The following TACR1 variants were observed in gnomAD, a reference collection of about 807,000 sequenced individuals.
TACR1 encodes the protein substance-P receptor.
Under a neutral mutation model 35.8 loss-of-function variants are expected in TACR1, and 25 were observed. The observed-to-expected ratio is 0.70, with a 90% CI of 0.51 to 0.98. The LOEUF (loss-of-function observed/expected upper bound fraction) is 0.98, where lower values mean the gene tolerates loss of function less well. Ranked by LOEUF, TACR1 falls within the 50% of genes least tolerant of loss-of-function variation. TACR1 has a pLI of 0.00. For missense variants in TACR1, 478 were observed against 522.9 expected (o/e 0.91, Z 0.84); for synonymous variants, 195 against 206.7 (o/e 0.94, Z 0.48).
intron 1 of TACR1, among the ~76,000 whole-genome samples, chr2:75,183,552 T>A (rs769833627): frequency 2.0e-5 from 3 of 152,160 alleles, no homozygotes; most frequent in Non-Finnish European, 4.4e-5. Flanking sequence ...TCTGTGCCCA[T>A]GAGGATGTGT....
At chr2:75,064,794 T>A (rs966839397) in intron 2 of TACR1, among the ~76,000 whole-genome samples, 1 of 152,226 alleles carries the variant, frequency 6.6e-6, no homozygotes, top group African/African-American at 2.4e-5. Context: ...AAAAATTCCA[T>A]GGTAGTGGGG....
At chr2:75,085,443 C>T (rs920488662) in intron 2 of TACR1, among the ~76,000 whole-genome samples, 16 of 152,196 alleles carry the variant, frequency 1.1e-4, no homozygotes, top group Non-Finnish European at 2.1e-4. Context: ...GGCATATAAA[C>T]CCATTGGTCC....
chr2:75,066,986 A>AG (rs1672776066), intron 2 of TACR1, among the ~76,000 whole-genome samples: 1 of 152,238 alleles, frequency 6.6e-6, no homozygotes, highest in Non-Finnish European at 1.5e-5. Flanking sequence ...TACAAAAAAA[A>AG]GGTCTTTATT....
chr2:75,192,960 A>G (rs1227765755), intron 1 of TACR1, among the ~76,000 whole-genome samples: 1 of 152,300 alleles, frequency 6.6e-6, no homozygotes, highest in East Asian at 1.9e-4. Context: ...ATTAAAACAC[A>G]AAACTCCACA....
intron 1 of TACR1, among the ~76,000 whole-genome samples, chr2:75,174,362 CTAAA>C (rs913668023): frequency 2.0e-5 from 3 of 152,062 alleles, no homozygotes; most frequent in African/African-American, 7.2e-5. Context: ...TATATATAGA[CTAAA>C]TTATGTTTTT....
At chr2:75,078,345 G>A (rs1459065861) in intron 2 of TACR1, among the ~76,000 whole-genome samples, 1 of 151,560 alleles carries the variant, frequency 6.6e-6, no homozygotes, top group African/African-American at 2.4e-5. Context: ...CTCAACTTAT[G>A]TATCTGTAGA....
At chr2:75,151,339 G>A (rs1469387613) in intron 1 of TACR1, among the ~76,000 whole-genome samples, 1 of 152,208 alleles carries the variant, frequency 6.6e-6, no homozygotes, top group Non-Finnish European at 1.5e-5. Context: ...TGTTTTTGTG[G>A]ATCTGGCCCA....
intron 1 of TACR1, among the ~76,000 whole-genome samples, chr2:75,170,373 G>A (rs1233196734): frequency 6.6e-6 from 1 of 152,188 alleles, no homozygotes; most frequent in Admixed American, 6.5e-5. Context: ...CTAGCCATGT[G>A]GAACTGTGAG....
At chr2:75,140,644 A>G (rs1226901095) in intron 1 of TACR1, among the ~76,000 whole-genome samples, 1 of 152,204 alleles carries the variant, frequency 6.6e-6, no homozygotes, top group Non-Finnish European at 1.5e-5. Context: ...CTTCTCCATC[A>G]TCATTATCTG....
chr2:75,085,943 C>T (rs1211657014), intron 2 of TACR1, among the ~76,000 whole-genome samples: 1 of 152,172 alleles, frequency 6.6e-6, no homozygotes, highest in Admixed American at 6.6e-5. Context: ...GTATGTGACA[C>T]CGTAGATTAG....
At chr2:75,196,034 A>G (rs970588243) in intron 1 of TACR1, among the ~76,000 whole-genome samples, 1 of 152,220 alleles carries the variant, frequency 6.6e-6, no homozygotes, top group Non-Finnish European at 1.5e-5. Flanking sequence ...TGTGCTCTTC[A>G]TATTTCCCAA....
At chr2:75,190,355 A>C (rs1371614913) in intron 1 of TACR1, among the ~76,000 whole-genome samples, 1 of 152,226 alleles carries the variant, frequency 6.6e-6, no homozygotes, top group African/African-American at 2.4e-5. Flanking sequence ...GACTACTGGT[A>C]GACTGTGTGT....
intron 1 of TACR1, among the ~76,000 whole-genome samples, chr2:75,161,378 A>G (rs186238423): frequency 5.9e-5 from 9 of 152,274 alleles, no homozygotes; most frequent in Admixed American, 1.3e-4. Context: ...AATATTTAAT[A>G]GTAAGAATAT....
chr2:75,154,223 A>G (rs1359605422), intron 1 of TACR1: 1 of 152,140 alleles, frequency 6.6e-6, no homozygotes, highest in Non-Finnish European at 1.5e-5. Flanking sequence ...TTGCTGCCCA[A>G]GCAGGAAAAT....
intron 3 of TACR1, among the ~76,000 whole-genome samples, chr2:75,053,283 A>G (rs1449996636): frequency 6.6e-6 from 1 of 152,054 alleles, no homozygotes. Context: ...AACCACGTGA[A>G]TGTATTATCT....
intron 1 of TACR1, among the ~76,000 whole-genome samples, chr2:75,185,323 G>T (rs1209766062): frequency 6.6e-6 from 1 of 151,840 alleles, no homozygotes; most frequent in African/African-American, 2.4e-5. Context: ...AGTTGAGGAA[G>T]GTCTTTTTAT....
intron 2 of TACR1, among the ~76,000 whole-genome samples, chr2:75,059,828 C>T (rs1672638849): frequency 6.6e-6 from 1 of 152,176 alleles, no homozygotes; most frequent in Non-Finnish European, 1.5e-5. Flanking sequence ...CCTGCTCTTC[C>T]TCAAATGTCC....
chr2:75,151,685 G>A (rs1416157735), intron 1 of TACR1, among the ~76,000 whole-genome samples: 1 of 152,174 alleles, frequency 6.6e-6, no homozygotes. Context: ...TTCCTACTGG[G>A]ACACTGCCTA....
chr2:75,091,122 T>C (rs1345453347), intron 2 of TACR1, among the ~76,000 whole-genome samples: 2 of 146,152 alleles, frequency 1.4e-5, no homozygotes, highest in Non-Finnish European at 3.0e-5. Flanking sequence ...GCTCATGGAG[T>C]AAATTTTTTA....
Sources: allele counts gnomAD v4.1 joint callset (sites outside exome capture counted in the v4.1 genomes callset), GRCh38; gene constraint gnomAD v4.1.1; transcripts MANE v1.5; gene names NCBI Gene and HGNC (gene_info 2026-07-23, HGNC 2026-07-21).